EHBP1: variants seen among roughly 807,000 people sequenced by gnomAD.
EHBP1 encodes the protein EH domain binding protein 1.
In EHBP1, 55 loss-of-function variants were observed where a neutral mutation model predicts 144.0. That is an observed-to-expected ratio of 0.38 (90% confidence interval 0.31 to 0.48). The LOEUF is 0.48. Among genes scored for constraint, EHBP1 ranks in the 20% least tolerant of loss-of-function variants. The pLI is 0.98. For missense variants in EHBP1, 1,200 were observed against 1,364.2 expected, an observed-to-expected ratio of 0.88 and a Z score of 1.90; for synonymous variants, 469 against 472.7, an observed-to-expected ratio of 0.99 and a Z score of 0.10.
At chr2:62,729,562 TATA>T (rs1185833837) in intron 2 of EHBP1, among the ~76,000 whole-genome samples, 2 of 122,066 alleles carry the variant, frequency 1.6e-5, no homozygotes, top group Non-Finnish European at 3.2e-5. Context: ...TAATATATAA[TATA>T]ATATAATAAA....
intron 7 of EHBP1, among the ~76,000 whole-genome samples, chr2:62,843,877 G>A (rs2048103517): frequency 6.6e-6 from 1 of 152,042 alleles, no homozygotes; most frequent in Non-Finnish European, 1.5e-5. Flanking sequence ...CAGCAAAAGT[G>A]GCAATAACTT....
chr2:62,785,196 G>A (rs1270891495), intron 5 of EHBP1, among the ~76,000 whole-genome samples: 2 of 151,916 alleles, frequency 1.3e-5, no homozygotes, highest in African/African-American at 2.4e-5. Flanking sequence ...TTTGCAAACC[G>A]CTTAATTGAC....
At chr2:62,809,489 T>C (rs1185139981) in intron 5 of EHBP1, among the ~76,000 whole-genome samples, 4 of 152,000 alleles carry the variant, frequency 2.6e-5, no homozygotes, top group Non-Finnish European at 4.4e-5. Flanking sequence ...TGGAGTTTTT[T>C]TGTTTTTTGT....
intron 15 of EHBP1, among the ~76,000 whole-genome samples, chr2:62,983,140 G>A (rs192240797): frequency 5.9e-5 from 9 of 152,170 alleles, no homozygotes; most frequent in South Asian, 2.1e-4. Flanking sequence ...GTAGACATGC[G>A]ATGGCCTCAT....
chr2:62,904,885 T>G (rs944973681), intron 10 of EHBP1, among the ~76,000 whole-genome samples: 1 of 152,200 alleles, frequency 6.6e-6, no homozygotes, highest in Non-Finnish European at 1.5e-5. Flanking sequence ...GATAGAGTAG[T>G]AAACAAGAGC....
intron 3 of EHBP1, among the ~76,000 whole-genome samples, chr2:62,757,285 G>C (rs1351250187): frequency 6.6e-6 from 1 of 151,868 alleles, no homozygotes; most frequent in East Asian, 1.9e-4. Context: ...CCACCATGCT[G>C]GGCTAATTTT....
intron 10 of EHBP1, among the ~76,000 whole-genome samples, chr2:62,901,538 A>G (rs2053415292): frequency 6.6e-6 from 1 of 152,112 alleles, no homozygotes; most frequent in African/African-American, 2.4e-5. Flanking sequence ...TGGAGATGCT[A>G]TTTTATAGAG....
At chr2:62,879,693 T>A (rs2051227777) in intron 10 of EHBP1, among the ~76,000 whole-genome samples, 3 of 151,334 alleles carry the variant, frequency 2.0e-5, no homozygotes, top group South Asian at 4.2e-4. Flanking sequence ...AAAACACTGT[T>A]GAAAGAAATC....
At chr2:62,899,642 G>T (rs2053235265) in intron 10 of EHBP1, among the ~76,000 whole-genome samples, 1 of 152,200 alleles carries the variant, frequency 6.6e-6, no homozygotes, top group Admixed American at 6.5e-5. Context: ...ATATATGCTG[G>T]AGTTCCACAC....
At chr2:62,860,056 T>C (rs989851745) in intron 8 of EHBP1, among the ~76,000 whole-genome samples, 5 of 152,320 alleles carry the variant, frequency 3.3e-5, no homozygotes, top group Admixed American at 3.3e-4. Flanking sequence ...AGCAATATAA[T>C]TTCATAATTC....
At chr2:62,945,641 T>C (rs1260466425) in intron 12 of EHBP1, among the ~76,000 whole-genome samples, 8 of 152,128 alleles carry the variant, frequency 5.3e-5, no homozygotes, top group South Asian at 2.1e-4. Context: ...TCCCAGCTAC[T>C]TGGGAGGATG....
intron 10 of EHBP1, among the ~76,000 whole-genome samples, chr2:62,891,158 CAAAAAA>C (rs34477729): frequency 1.5e-5 from 1 of 66,046 alleles, no homozygotes. Flanking sequence ...GCCTGGGCGA[CAAAAAA>C]AAAAAAAAAA....
In EHBP1 at chr2:62,698,998, TG is replaced by T. The variant is rs371050782; in HGVS notation, c.-295-7898del. Among the ~76,000 whole-genome samples, 305 of 152,320 alleles carry T rather than the reference TG, an allele frequency of 2.0e-3. 1 individual carries two copies. Among genetic ancestry groups the T allele is most frequent in the African/African-American group, 7.0e-3 (289 of 41,560 alleles). ...CAGCTTGCTTTGAAATTTTGCTTTTTGTGTGTGTGTTCTTTGTACTGTATGG... is the reference window on the plus strand; with the variant it reads ...CAGCTTGCTTTGAAATTTTGCTTTTTTGTGTGTGTTCTTTGTACTGTATGG... On this transcript the variant is annotated intron_variant, in intron 1 of 22. Transcript: ENST00000405015.
chr2:62,716,547 A>G (rs1261820275), intron 2 of EHBP1, among the ~76,000 whole-genome samples: 1 of 152,216 alleles, frequency 6.6e-6, no homozygotes, highest in Non-Finnish European at 1.5e-5. Context: ...TTTCTCAGTG[A>G]ATAATGGCAA....
At chr2:63,014,893 G>A (rs1404074872) in intron 19 of EHBP1, among the ~76,000 whole-genome samples, 7 of 152,156 alleles carry the variant, frequency 4.6e-5, no homozygotes, top group South Asian at 4.1e-4. Context: ...CAGGAGAATC[G>A]CTTGAGCCCG....
chr2:62,939,998 C>G (rs2056644028), intron 10 of EHBP1: 1 of 312,522 alleles, frequency 3.2e-6, no homozygotes, highest in Admixed American at 3.7e-5. Context: ...TTAGAATTCC[C>G]CTAACCAGCT....
intron 19 of EHBP1, among the ~76,000 whole-genome samples, chr2:63,018,788 A>G (rs905429088): frequency 6.6e-6 from 1 of 152,214 alleles, no homozygotes. Flanking sequence ...CATAATTTTC[A>G]ATTTGGAACA....
At chr2:62,862,627 A>G (rs1448002891) in intron 8 of EHBP1, among the ~76,000 whole-genome samples, 4 of 145,960 alleles carry the variant, frequency 2.7e-5, no homozygotes, top group African/African-American at 1.1e-4. Flanking sequence ...TCAAAAAAAT[A>G]AAAGTAATTA....
chr2:62,800,159 G>A (rs1162521663), intron 5 of EHBP1, among the ~76,000 whole-genome samples: 1 of 152,066 alleles, frequency 6.6e-6, no homozygotes, highest in Non-Finnish European at 1.5e-5. Flanking sequence ...TTGTAGTGAT[G>A]GCAGTGATGA....
Sources: gnomAD v4.1 joint callset for allele counts (sites outside exome capture counted in the v4.1 genomes callset) on GRCh38, gnomAD v4.1.1 for gene constraint, MANE v1.5 for transcripts, NCBI Gene and HGNC (gene_info 2026-07-23, HGNC 2026-07-21) for gene names.